Variants in CFH observed in about 807,000 individuals in gnomAD.
CFH encodes H factor 1 (complement).
In CFH, 53 loss-of-function variants were observed where a neutral mutation model predicts 147.3. That is an observed-to-expected ratio of 0.36 (90% confidence interval 0.29 to 0.45). The LOEUF (loss-of-function observed/expected upper bound fraction) is 0.45, where lower values mean the gene tolerates loss of function less well. Ranked by LOEUF, CFH falls within the 20% of genes least tolerant of loss-of-function variation. The pLI, the probability that CFH is intolerant of heterozygous loss-of-function variation, is 1.00. For synonymous variants in CFH, 536 were observed against 489.4 expected, an observed-to-expected ratio of 1.10 and a Z score of -1.26; for missense variants, 1,380 against 1,498.0, an observed-to-expected ratio of 0.92 and a Z score of 1.30.
Position 196,679,736 on chromosome 1 carries a change from G to A in CFH, c.733G>A (p.Glu245Lys), listed in dbSNP as rs1254527059. The A allele has an allele frequency of 6.2e-7, 1 of 1,611,732 alleles. No individual in the cohort carries two copies. Among genetic ancestry groups the A allele is most frequent in the Non-Finnish European group, 8.5e-7 (1 of 1,178,554 alleles). The change falls in exon 6 of 22, where the codon GAA (glutamate) becomes AAA (lysine). Residue 245 changes from glutamate (E) to lysine (K), a missense_variant. Physicochemically the swap from Glu to Lys is moderately conservative, Grantham distance 56. This residue lies in a region of CFH where 167 missense variants were observed against 228.0 expected (regional missense o/e 0.73). Transcript: ENST00000367429. ...ATGTAACATGGGTTATGAATACAGTGAAAGAGGAGATGCTGTATGCACTGA... is the reference window on the plus strand; with the variant it reads ...ATGTAACATGGGTTATGAATACAGTAAAAGAGGAGATGCTGTATGCACTGA... ...YKCNMGYEYS[E>K]RGDAVCTESG...
chr1:196,741,641 G>A (rs1186476243), intron 18 of CFH: 6 of 505,198 alleles, frequency 1.2e-5, no homozygotes, highest in Non-Finnish European at 2.1e-5. Flanking sequence ...AATTGCTACG[G>A]CTACCAATAT....
intron 1 of CFH, among the ~76,000 whole-genome samples, chr1:196,661,002 CA>C (rs1010481796): frequency 3.0e-4 from 45 of 152,242 alleles, no homozygotes; most frequent in African/African-American, 1.1e-3. Flanking sequence ...TGAACATCAT[CA>C]AATGGATCTA....
chr1:196,731,018 G>T (rs550036776), intron 15 of CFH, among the ~76,000 whole-genome samples: 9 of 151,670 alleles, frequency 5.9e-5, no homozygotes, highest in Non-Finnish European at 1.0e-4. Flanking sequence ...ATTAATTTTT[G>T]ATTTATTTAG....
intron 15 of CFH, among the ~76,000 whole-genome samples, chr1:196,733,755 A>G (rs935403051): frequency 1.3e-5 from 2 of 152,052 alleles, no homozygotes; most frequent in African/African-American, 2.4e-5. Context: ...TTGTTCTAAG[A>G]GTGATTAATG....
chr1:196,697,993 G>A (rs1164748801), intron 9 of CFH, among the ~76,000 whole-genome samples: 3 of 133,078 alleles, frequency 2.3e-5, no homozygotes, highest in East Asian at 2.3e-4. Context: ...ATCACACACC[G>A]GGGCCTGTTG....
chr1:196,692,813 T>TTCC (rs1668106374), intron 9 of CFH, among the ~76,000 whole-genome samples: 1 of 81,522 alleles, frequency 1.2e-5, no homozygotes, highest in African/African-American at 4.2e-5. Flanking sequence ...TTTCTTTCTT[T>TTCC]CTTTCTTTCT....
At chr1:196,726,961 T>C (rs1669157545) in intron 14 of CFH, 21 bp downstream of exon 14, 1 of 1,602,512 alleles carries the variant, frequency 6.2e-7, no homozygotes, top group African/African-American at 1.3e-5. Flanking sequence ...CCTTCTTAAA[T>C]CAACATTTAA....
chr1:196,721,072 T>C (rs569580713), intron 11 of CFH, among the ~76,000 whole-genome samples: 6 of 152,084 alleles, frequency 3.9e-5, no homozygotes, highest in African/African-American at 1.4e-4. Flanking sequence ...AGTTTTTATT[T>C]CATATTTCTT....
chr1:196,687,383 T>C (rs1346280529), intron 7 of CFH, among the ~76,000 whole-genome samples: 2 of 152,060 alleles, frequency 1.3e-5, no homozygotes, highest in African/African-American at 4.8e-5. Flanking sequence ...TAAAAACAGA[T>C]GTAAATGTGA....
At chr1:196,703,610 AG>A in intron 9 of CFH, among the ~76,000 whole-genome samples, 1 of 152,270 alleles carries the variant, frequency 6.6e-6, no homozygotes, top group Non-Finnish European at 1.5e-5. Context: ...GAAATAATGA[AG>A]GTGACTGAAA....
At chr1:196,714,666 T>TAGAGAGAG (rs1668817031) in intron 10 of CFH, among the ~76,000 whole-genome samples, 6 of 28,352 alleles carry the variant, frequency 2.1e-4, no homozygotes, top group South Asian at 2.2e-3. Context: ...TATATATATA[T>TAGAGAGAG]ATAGAGAGAG....
chr1:196,743,715 T>C (rs1012894570), intron 20 of CFH, 87 bp downstream of exon 20: 1 of 1,573,158 alleles, frequency 6.4e-7, no homozygotes, highest in African/African-American at 1.4e-5. Context: ...TCATTTTTAT[T>C]AATAGATTTT....
intron 9 of CFH, among the ~76,000 whole-genome samples, chr1:196,706,142 C>A (rs1438248281): frequency 6.6e-6 from 1 of 151,954 alleles, no homozygotes; most frequent in Non-Finnish European, 1.5e-5. Context: ...GAAGGCAGAA[C>A]TTAGAGTCCT....
At chr1:196,702,898 T>A (rs1366575703) in intron 9 of CFH, among the ~76,000 whole-genome samples, 3 of 152,148 alleles carry the variant, frequency 2.0e-5, no homozygotes, top group Admixed American at 2.0e-4. Flanking sequence ...TGAGGGTTGC[T>A]TTGGAATTCT....
rs1667781072 is a variant in CFH at position 196,685,110 on chromosome 1, T to G, written c.837T>G (p.Pro279=). 2 of 1,612,466 alleles carry G rather than the reference T, an allele frequency of 1.2e-6. No homozygotes were observed. Among genetic ancestry groups the G allele is most frequent in the Admixed American group, 1.7e-5 (1 of 59,860 alleles). ...NPYIPNGDYS[P]LRIKHRTGDE... ...ATATTCCAAATGGTGACTACTCACC[T>G]TTAAGGATTAAACACAGAACTGGAG... The change falls in exon 7 of 22, where the codon CCT becomes CCG. Residue 279 remains proline (P), a synonymous_variant. Coordinates refer to ENST00000367429, the MANE Select transcript of CFH (RefSeq NM_000186.4).
intron 15 of CFH, among the ~76,000 whole-genome samples, chr1:196,735,861 A>C (rs557389122): frequency 6.6e-6 from 1 of 152,186 alleles, no homozygotes; most frequent in South Asian, 2.1e-4. Context: ...CCTTTAATGA[A>C]GTTTTGTTCA....
At chr1:196,714,662 TATATATAG>T (rs1224694107) in intron 10 of CFH, among the ~76,000 whole-genome samples, 85 of 37,478 alleles carry the variant, frequency 2.3e-3, no homozygotes, top group African/African-American at 8.1e-3. Context: ...TATATATATA[TATATATAG>T]AGAGAGAGAG....
At chr1:196,657,036 C>A (rs961383492) in intron 1 of CFH, among the ~76,000 whole-genome samples, 1 of 151,898 alleles carries the variant, frequency 6.6e-6, no homozygotes, top group Non-Finnish European at 1.5e-5. Flanking sequence ...GGAGTGCCCA[C>A]GCTGGAGTGC....
At position 196,743,522 on chromosome 1, in the gene CFH, A is replaced by G. The variant is rs1339152978; in HGVS notation, c.3204A>G (p.Pro1068=). The G allele has an allele frequency of 1.9e-6, 3 of 1,614,084 alleles. No individual in the cohort carries two copies. Among genetic ancestry groups the G allele is most frequent in the East Asian group, 4.5e-5 (2 of 44,842 alleles). Residue 1068 remains proline, a synonymous_variant, in exon 20 of 22, where the codon CCA becomes CCG. Transcript: ENST00000367429. ...YIVSRQMSKY[P]SGERVRYQCR... ...TGTCGAGACAGATGAGTAAATATCC[A>G]TCTGGTGAGAGAGTACGTTATCAAT...
Sources: allele counts gnomAD v4.1 joint callset (sites outside exome capture counted in the v4.1 genomes callset), GRCh38; gene constraint gnomAD v4.1.1; regional missense constraint gnomAD v4.1.1; transcripts MANE v1.5; gene names NCBI Gene and HGNC (gene_info 2026-07-23, HGNC 2026-07-21).